Variants in IMMP2L observed in about 807,000 individuals in gnomAD.
IMMP2L encodes inner mitochondrial membrane peptidase subunit 2, also known as mitochondrial inner membrane protease subunit 2.
In IMMP2L, 18 loss-of-function variants were observed where a neutral mutation model predicts 19.3. The ratio of observed to expected loss-of-function variants is 0.93; its 90% CI spans 0.64 to 1.38. IMMP2L has a LOEUF of 1.38. Ranked by LOEUF, IMMP2L falls within the 40% of genes most tolerant of loss-of-function variation. The pLI is 0.00. For synonymous variants in IMMP2L, 76 were observed against 73.0 expected (o/e 1.04, Z -0.21); for missense variants, 233 against 218.2 (o/e 1.07, Z -0.43).
chr7:111,150,231 T>G (rs370247579), intron 3 of IMMP2L, among the ~76,000 whole-genome samples: 11 of 152,264 alleles, frequency 7.2e-5, no homozygotes, highest in African/African-American at 2.6e-4. Flanking sequence ...TTTTTAATTT[T>G]TAAATAAGTC....
At chr7:111,290,147 C>T (rs1432827672) in intron 3 of IMMP2L, among the ~76,000 whole-genome samples, 3 of 152,124 alleles carry the variant, frequency 2.0e-5, no homozygotes, top group Non-Finnish European at 4.4e-5. Flanking sequence ...AGCAGTAAGT[C>T]CACATCATTC....
At chr7:110,792,419 C>T (rs990112683) in intron 5 of IMMP2L, among the ~76,000 whole-genome samples, 2 of 149,346 alleles carry the variant, frequency 1.3e-5, no homozygotes, top group Non-Finnish European at 2.9e-5. Flanking sequence ...TAAGTTTTTT[C>T]CAGACCCTGC....
At chr7:111,408,030 G>A (rs76382648) in intron 3 of IMMP2L, among the ~76,000 whole-genome samples, 2,484 of 151,782 alleles carry the variant, frequency 0.016, 67 homozygotes, top group African/African-American at 0.057. Context: ...TCAGGCATGG[G>A]AAAATTAAAT....
intron 3 of IMMP2L, among the ~76,000 whole-genome samples, chr7:111,397,704 C>T (rs910835127): frequency 6.6e-6 from 1 of 152,100 alleles, no homozygotes; most frequent in Admixed American, 6.5e-5. Flanking sequence ...ACTATCTGTT[C>T]ATGACCTTTG....
At chr7:111,338,178 AT>A (rs1767334702) in intron 3 of IMMP2L, among the ~76,000 whole-genome samples, 3 of 152,166 alleles carry the variant, frequency 2.0e-5, no homozygotes, top group African/African-American at 4.8e-5. Context: ...AGTGGCAGAG[AT>A]GATAACTGTA....
At chr7:111,454,423 T>A (rs1839504713) in intron 3 of IMMP2L, among the ~76,000 whole-genome samples, 1 of 152,220 alleles carries the variant, frequency 6.6e-6, no homozygotes, top group South Asian at 2.1e-4. Flanking sequence ...ATCAAATACA[T>A]TTAATTTTCC....
At chr7:110,919,719 G>A (rs576361078) in intron 4 of IMMP2L, among the ~76,000 whole-genome samples, 403 of 152,194 alleles carry the variant, frequency 2.6e-3, no homozygotes, top group Middle Eastern at 6.8e-3. Context: ...GTGAGCTAAG[G>A]CATTAGGGAA....
chr7:110,959,089 C>T (rs1268984033), intron 4 of IMMP2L, among the ~76,000 whole-genome samples: 4 of 151,842 alleles, frequency 2.6e-5, no homozygotes, highest in Non-Finnish European at 4.4e-5. Flanking sequence ...TGGATTAATC[C>T]TTCAATTAAT....
intron 3 of IMMP2L, among the ~76,000 whole-genome samples, chr7:111,054,637 G>A (rs573938581): frequency 9.9e-5 from 15 of 152,268 alleles, no homozygotes; most frequent in Admixed American, 7.2e-4. Flanking sequence ...TGAACACAAC[G>A]ATCAGAAATG....
At chr7:111,071,719 G>A (rs1260699902) in intron 3 of IMMP2L, among the ~76,000 whole-genome samples, 2 of 151,936 alleles carry the variant, frequency 1.3e-5, no homozygotes, top group Admixed American at 1.3e-4. Flanking sequence ...GTTGCCAAGA[G>A]CAAGGGGAAA....
At chr7:110,937,177 C>T (rs1354139850) in intron 4 of IMMP2L, among the ~76,000 whole-genome samples, 1 of 151,966 alleles carries the variant, frequency 6.6e-6, no homozygotes, top group Non-Finnish European at 1.5e-5. Context: ...GTTCTGCACA[C>T]GTATCCTAGA....
chr7:111,487,463 T>C (rs1057202301), intron 2 of IMMP2L, 122 bp from the exon 3 acceptor site: 5 of 565,214 alleles, frequency 8.8e-6, no homozygotes, highest in African/African-American at 3.7e-5. Flanking sequence ...TTTCTATAAA[T>C]TGCTGTTCTA....
intron 5 of IMMP2L, among the ~76,000 whole-genome samples, chr7:110,817,656 T>A (rs1177661905): frequency 6.6e-6 from 1 of 152,002 alleles, no homozygotes; most frequent in Non-Finnish European, 1.5e-5. Flanking sequence ...CATAGCCAAG[T>A]CAATCCTAAC....
chr7:111,159,943 G>A (rs1307659296), intron 3 of IMMP2L, among the ~76,000 whole-genome samples: 1 of 151,916 alleles, frequency 6.6e-6, no homozygotes, highest in Admixed American at 6.6e-5. Context: ...ATTCAGACTA[G>A]CTGCATTTCA....
intron 5 of IMMP2L, among the ~76,000 whole-genome samples, chr7:110,761,668 GTC>G (rs1168873287): frequency 6.6e-6 from 1 of 152,254 alleles, no homozygotes; most frequent in East Asian, 1.9e-4. Context: ...GACATGTATT[GTC>G]TAATGTAATC....
chr7:111,291,402 CAACATTAAAAT>C (rs1821091532), intron 3 of IMMP2L, among the ~76,000 whole-genome samples: 1 of 152,160 alleles, frequency 6.6e-6, no homozygotes, highest in African/African-American at 2.4e-5. Flanking sequence ...CTCCTAATTA[CAACATTAAAAT>C]ACCTACCATC....
chr7:111,177,433 A>G (rs1807199662), intron 3 of IMMP2L, among the ~76,000 whole-genome samples: 1 of 152,172 alleles, frequency 6.6e-6, no homozygotes, highest in East Asian at 1.9e-4. Flanking sequence ...CTTCTGCCTC[A>G]GGCTCCAAAA....
chr7:110,815,573 T>G (rs982638369), intron 5 of IMMP2L, among the ~76,000 whole-genome samples: 1 of 152,154 alleles, frequency 6.6e-6, no homozygotes, highest in African/African-American at 2.4e-5. Context: ...CTGGTAGAAT[T>G]CGGCTGTGAA....
chr7:111,107,969 C>T (rs1798737679), intron 3 of IMMP2L, among the ~76,000 whole-genome samples: 1 of 152,158 alleles, frequency 6.6e-6, no homozygotes, highest in Non-Finnish European at 1.5e-5. Flanking sequence ...TCTCAACTTA[C>T]AGCAGATATT....
Sources: allele counts gnomAD v4.1 joint callset (sites outside exome capture counted in the v4.1 genomes callset), GRCh38; gene constraint gnomAD v4.1.1; transcripts MANE v1.5; gene names NCBI Gene and HGNC (gene_info 2026-07-23, HGNC 2026-07-21).